SOX6: variants seen among roughly 807,000 people sequenced by gnomAD.
SOX6 encodes transcription factor SOX-6.
SOX6 carries 11 observed loss-of-function variants against 97.8 expected under a neutral mutation model. The observed-to-expected ratio is 0.11, with a 90% CI of 0.07 to 0.19. SOX6 has a LOEUF of 0.19. Ranked by LOEUF, SOX6 falls within the 10% of genes least tolerant of loss-of-function variation. The pLI is 1.00. For synonymous variants in SOX6, 360 were observed against 371.4 expected (o/e 0.97, Z 0.35); for missense variants, 810 against 1,039.5 (o/e 0.78, Z 3.04).
intron 6 of SOX6, among the ~76,000 whole-genome samples, chr11:16,166,480 A>T (rs1388867823): frequency 6.6e-6 from 1 of 152,246 alleles, no homozygotes; most frequent in African/African-American, 2.4e-5. Context: ...TAAGATTTCA[A>T]CTATTCAATT....
At chr11:16,111,379 T>C (rs1360420973) in intron 7 of SOX6, among the ~76,000 whole-genome samples, 1 of 152,234 alleles carries the variant, frequency 6.6e-6, no homozygotes, top group Non-Finnish European at 1.5e-5. Flanking sequence ...TAAATCAGTC[T>C]AGTTTTAACT....
At chr11:16,177,235 C>T (rs1851215899) in intron 6 of SOX6, among the ~76,000 whole-genome samples, 1 of 151,904 alleles carries the variant, frequency 6.6e-6, no homozygotes, top group Non-Finnish European at 1.5e-5. Context: ...GCTACCTATT[C>T]TCCCTCTATC....
chr11:16,248,361 G>A (rs867246817), intron 3 of SOX6, among the ~76,000 whole-genome samples: 4 of 152,152 alleles, frequency 2.6e-5, no homozygotes, highest in Non-Finnish European at 5.9e-5. Context: ...GGGACTCTGT[G>A]TAGGGGTTCC....
intron 1 of SOX6, among the ~76,000 whole-genome samples, chr11:16,443,631 ATT>A (rs1859552934): frequency 6.6e-6 from 1 of 152,066 alleles, no homozygotes; most frequent in Non-Finnish European, 1.5e-5. Context: ...ACATGGGTAA[ATT>A]GCATATTGCT....
intron 13 of SOX6, among the ~76,000 whole-genome samples, chr11:16,001,291 T>C (rs1344410990): frequency 6.6e-6 from 1 of 152,218 alleles, no homozygotes; most frequent in Non-Finnish European, 1.5e-5. Flanking sequence ...TAACTTTGCA[T>C]AAAATAATAT....
At chr11:15,986,725 C>A (rs1853853298) in intron 14 of SOX6, among the ~76,000 whole-genome samples, 1 of 152,184 alleles carries the variant, frequency 6.6e-6, no homozygotes, top group African/African-American at 2.4e-5. Context: ...CACCTGCCTA[C>A]CCTCTCAACA....
intron 12 of SOX6, among the ~76,000 whole-genome samples, chr11:16,034,597 ACT>A (rs1204294285): frequency 2.6e-5 from 4 of 152,156 alleles, no homozygotes; most frequent in Middle Eastern, 3.2e-3. Flanking sequence ...TTTCACATAT[ACT>A]CTCTATTCAC....
intron 6 of SOX6, among the ~76,000 whole-genome samples, chr11:16,115,057 C>T (rs1455107): frequency 0.018 from 2,673 of 152,252 alleles, 74 homozygotes; most frequent in African/African-American, 0.061. Context: ...TCATCACACT[C>T]TGCAAAGAAA....
At chr11:16,720,006 A>G (rs1007995893) in intron 2 of SOX6, among the ~76,000 whole-genome samples, 2 of 152,238 alleles carry the variant, frequency 1.3e-5, no homozygotes, top group African/African-American at 4.8e-5. Context: ...TGATATATCA[A>G]AAAGCTTATC....
At chr11:16,438,619 C>A (rs1311839599) in intron 1 of SOX6, among the ~76,000 whole-genome samples, 1 of 151,850 alleles carries the variant, frequency 6.6e-6, no homozygotes, top group Non-Finnish European at 1.5e-5. Flanking sequence ...GTGTATCAGG[C>A]TCTGAAGAGG....
chr11:16,042,938 C>A (rs1325188757), intron 12 of SOX6, among the ~76,000 whole-genome samples: 1 of 152,112 alleles, frequency 6.6e-6, no homozygotes, highest in Non-Finnish European at 1.5e-5. Flanking sequence ...GCTCACATAA[C>A]ACCTACGCAG....
At chr11:16,437,612 G>T (rs2133082473) in intron 1 of SOX6, among the ~76,000 whole-genome samples, 1 of 152,230 alleles carries the variant, frequency 6.6e-6, no homozygotes, top group East Asian at 1.9e-4. Flanking sequence ...AATCATTCTT[G>T]CAATTCAGGA....
At chr11:16,136,551 C>T (rs921170903) in intron 6 of SOX6, among the ~76,000 whole-genome samples, 1 of 152,012 alleles carries the variant, frequency 6.6e-6, no homozygotes, top group African/African-American at 2.4e-5. Flanking sequence ...TAAGCACATG[C>T]CTAATTTTTG....
chr11:15,982,352 A>G (rs1853681933), intron 15 of SOX6, among the ~76,000 whole-genome samples: 1 of 152,074 alleles, frequency 6.6e-6, no homozygotes, highest in Non-Finnish European at 1.5e-5. Flanking sequence ...ATTTGCAATA[A>G]TCTGTATAAT....
chr11:16,388,357 G>A (rs1018454585), intron 1 of SOX6, among the ~76,000 whole-genome samples: 10 of 152,026 alleles, frequency 6.6e-5, no homozygotes, highest in Non-Finnish European at 1.3e-4. Flanking sequence ...GACCATGAAG[G>A]ATATTGGTCT....
intron 9 of SOX6, among the ~76,000 whole-genome samples, chr11:16,064,823 G>C (rs1159421502): frequency 6.6e-6 from 1 of 151,612 alleles, no homozygotes; most frequent in African/African-American, 2.4e-5. Flanking sequence ...ATCCCTTCCT[G>C]ATTTAAAAAC....
chr11:16,124,550 C>G lies in SOX6; in HGVS notation c.778-12627G>C, dbSNP rs74319950. 6.9e-3 allele frequency among the ~76,000 whole-genome samples: 1,046 copies of G among 151,978 alleles called. 12 individuals are homozygous for G. The highest frequency in any genetic ancestry group is 0.024 in the African/African-American group (1,015 of 41,492). ...AGAGATAACATCACACAGGGTTAAACGACCTGAGGAAATGTTGCACAGAGC... is the reference window on the plus strand; with the variant it reads ...AGAGATAACATCACACAGGGTTAAAGGACCTGAGGAAATGTTGCACAGAGC... On this transcript the variant is annotated intron_variant, in intron 6 of 15. Transcript: ENST00000683767.
chr11:16,462,478 C>T (rs901905406), intron 1 of SOX6, among the ~76,000 whole-genome samples: 3 of 152,210 alleles, frequency 2.0e-5, no homozygotes, highest in Admixed American at 6.5e-5. Flanking sequence ...TTACTCTCAT[C>T]ATGCTTACGT....
intron 6 of SOX6, among the ~76,000 whole-genome samples, chr11:16,136,780 C>A (rs1294051230): frequency 6.6e-6 from 1 of 152,122 alleles, no homozygotes; most frequent in Non-Finnish European, 1.5e-5. Flanking sequence ...ATTCATGCAA[C>A]TCATTTTATT....
Sources: allele counts gnomAD v4.1 joint callset (sites outside exome capture counted in the v4.1 genomes callset), GRCh38; gene constraint gnomAD v4.1.1; transcripts MANE v1.5; gene names NCBI Gene and HGNC (gene_info 2026-07-23, HGNC 2026-07-21).